Variants in GON4L observed in about 807,000 individuals in gnomAD.
The protein encoded by GON4L is gon-4 like.
Under a neutral mutation model 211.8 loss-of-function variants are expected in GON4L, and 87 were observed. The observed-to-expected ratio is 0.41, with a 90% CI of 0.35 to 0.49. The LOEUF is 0.49. Among genes scored for constraint, GON4L ranks in the 20% least tolerant of loss-of-function variants. GON4L has a pLI of 0.15. For synonymous variants in GON4L, 875 were observed against 962.6 expected (o/e 0.91, Z 1.68); for missense variants, 2,155 against 2,659.5 (o/e 0.81, Z 4.17).
intron 10 of GON4L, among the ~76,000 whole-genome samples, chr1:155,812,492 T>C (rs1667877991): frequency 6.6e-6 from 1 of 152,130 alleles, no homozygotes; most frequent in South Asian, 2.1e-4. Context: ...ATAAAGGGCA[T>C]TGTTGGGACA....
chr1:155,823,895 A>G (rs908678396), intron 3 of GON4L, among the ~76,000 whole-genome samples: 1 of 151,918 alleles, frequency 6.6e-6, no homozygotes, highest in Non-Finnish European at 1.5e-5. Context: ...TCACACACAC[A>G]CACAAAAAAA....
chr1:155,781,287 C>T lies in GON4L; in HGVS notation c.1892+2699G>A, dbSNP rs1305188870. On this transcript the variant is annotated intron_variant, in intron 14 of 31. Coordinates refer to ENST00000368331, the MANE Select transcript of GON4L (RefSeq NM_001282860.2). ...CCTCCCAAGTAGCGGGGATTACAGG[C>T]ACCTGCCAACACGTCCGACTAATTT... is the stretch of plus-strand genomic sequence containing the variant. 2.0e-5 allele frequency among the ~76,000 whole-genome samples: 3 copies of T among 151,782 alleles called. No homozygotes were observed. In the East Asian group the frequency reaches 5.8e-4, roughly 29 times the overall value.
chr1:155,790,668 G>A (rs538914651), intron 12 of GON4L, among the ~76,000 whole-genome samples: 49 of 152,096 alleles, frequency 3.2e-4, no homozygotes, highest in African/African-American at 1.0e-3. Context: ...AAGTTTGGCC[G>A]GGCACAGTGG....
At chr1:155,794,811 T>G (rs1235564327) in intron 12 of GON4L, among the ~76,000 whole-genome samples, 2 of 152,220 alleles carry the variant, frequency 1.3e-5, no homozygotes, top group Non-Finnish European at 2.9e-5. Flanking sequence ...TTATTCATCT[T>G]GCACAATCCC....
At chr1:155,795,890 G>A (rs1666024372) in intron 11 of GON4L, among the ~76,000 whole-genome samples, 1 of 151,950 alleles carries the variant, frequency 6.6e-6, no homozygotes, top group South Asian at 2.1e-4. Flanking sequence ...TGAATGCCTC[G>A]GCCTCCCAAA....
chr1:155,785,582 C>T (rs1375174722), intron 12 of GON4L, among the ~76,000 whole-genome samples: 2 of 152,134 alleles, frequency 1.3e-5, no homozygotes, highest in Non-Finnish European at 2.9e-5. Context: ...CATCCCCTCC[C>T]TGGTCCAATC....
chr1:155,797,668 A>ACCCCCCCCCCC (rs66502933), intron 11 of GON4L, among the ~76,000 whole-genome samples: 2 of 143,520 alleles, frequency 1.4e-5, no homozygotes, highest in East Asian at 2.1e-4. Flanking sequence ...ACATGGTGAG[A>ACCCCCCCCCCC]CCCCCCCCCT....
intron 11 of GON4L, among the ~76,000 whole-genome samples, chr1:155,796,241 A>G (rs1434329728): frequency 1.3e-5 from 2 of 151,960 alleles, no homozygotes; most frequent in African/African-American, 2.4e-5. Context: ...GGTTAGAATA[A>G]TAGAAATATG....
intron 18 of GON4L, among the ~76,000 whole-genome samples, chr1:155,772,718 T>C (rs992555936): frequency 6.6e-6 from 1 of 152,078 alleles, no homozygotes; most frequent in Non-Finnish European, 1.5e-5. Context: ...TGTGACTGCC[T>C]GGGTGACACA....
chr1:155,859,417 A>G, upstream of GON4L: 1 of 205,332 alleles, frequency 4.9e-6, no homozygotes, highest in Non-Finnish European at 1.0e-5. Context: ...GAAGGGGGCG[A>G]GGGCTGACTT....
intron 21 of GON4L, 32 bp downstream of exon 21, chr1:155,764,968 C>A: frequency 6.2e-7 from 1 of 1,614,006 alleles, no homozygotes; most frequent in Non-Finnish European, 8.5e-7. Context: ...ACTGAGTCCA[C>A]GAAATACTTG....
At chr1:155,844,700 G>A (rs1671070316) in intron 2 of GON4L, among the ~76,000 whole-genome samples, 1 of 152,110 alleles carries the variant, frequency 6.6e-6, no homozygotes, top group East Asian at 1.9e-4. Flanking sequence ...TAAAGCTGCA[G>A]TGGGCCATGA....
At chr1:155,840,700 C>A (rs1260877204) in intron 2 of GON4L, among the ~76,000 whole-genome samples, 2 of 152,162 alleles carry the variant, frequency 1.3e-5, no homozygotes, top group Non-Finnish European at 2.9e-5. Flanking sequence ...CTCAAGTTAA[C>A]CAAAGCCTTG....
At chr1:155,790,230 G>A (rs941456271) in intron 12 of GON4L, among the ~76,000 whole-genome samples, 6 of 152,060 alleles carry the variant, frequency 3.9e-5, no homozygotes, top group African/African-American at 1.4e-4. Context: ...CTCCTTAGTA[G>A]CTGGGACTAC....
At chr1:155,818,954 C>T (rs1668499512) in intron 6 of GON4L, among the ~76,000 whole-genome samples, 11 of 149,912 alleles carry the variant, frequency 7.3e-5, no homozygotes, top group Admixed American at 5.3e-4. Context: ...GCTGAGATCG[C>T]ACCACTGCAC....
intron 31 of GON4L, 40 bp from the exon 32 acceptor site, chr1:155,750,773 T>G (rs746219488): frequency 1.8e-4 from 283 of 1,549,424 alleles, no homozygotes; most frequent in Non-Finnish European, 2.4e-4. Context: ...GTCTTTTTTT[T>G]TTGTTTTTGA....
chr1:155,853,841 T>A, intron 1 of GON4L, 35 bp from the exon 2 acceptor site: 1 of 1,212,062 alleles, frequency 8.3e-7, no homozygotes, highest in Non-Finnish European at 1.2e-6. Context: ...GCCTTCATAT[T>A]AATTAAAAGT....
chr1:155,849,842 C>T (rs949360972), intron 2 of GON4L, among the ~76,000 whole-genome samples: 1 of 150,986 alleles, frequency 6.6e-6, no homozygotes, highest in African/African-American at 2.4e-5. Flanking sequence ...ACATCTCTCC[C>T]GGCTTCCTGA....
Position 155,769,663 on chromosome 1 carries a change from T to C in GON4L, c.2646+1404A>G, listed in dbSNP as rs142813650. On this transcript the variant is annotated intron_variant, in intron 19 of 31. Transcript: ENST00000368331. ...CCCCATCCCCCTAAAAATGCGATTA[T>C]TTACTCCAAGAAAAACAAAATGTTC... Among the ~76,000 whole-genome samples, 15 of 152,192 alleles carry C rather than the reference T, an allele frequency of 9.9e-5. No homozygotes were observed. In the East Asian group the frequency reaches 2.9e-3, roughly 29 times the overall value.
Sources: allele counts gnomAD v4.1 joint callset (sites outside exome capture counted in the v4.1 genomes callset), GRCh38; gene constraint gnomAD v4.1.1; transcripts MANE v1.5; gene names NCBI Gene and HGNC (gene_info 2026-07-23, HGNC 2026-07-21).